Variants in UGT2A3 observed in about 807,000 individuals in gnomAD.
UGT2A3 encodes UDP glucuronosyltransferase family 2 member A3.
In UGT2A3, 55 loss-of-function variants were observed where a neutral mutation model predicts 44.1. The observed-to-expected ratio is 1.25, with a 90% confidence interval of 1.00 to 1.56. The LOEUF is 1.56. Among genes scored for constraint, UGT2A3 ranks in the 40% most tolerant of loss-of-function variants. UGT2A3 has a pLI of 0.00. For missense variants in UGT2A3, 733 were observed against 621.6 expected (o/e 1.18, Z -1.91); for synonymous variants, 243 against 215.1 (o/e 1.13, Z -1.13).
At chr4:68,950,994 T>A (rs995004284) in intron 1 of UGT2A3, 52 bp downstream of exon 1, 6 of 1,318,198 alleles carry the variant, frequency 4.6e-6, no homozygotes, top group East Asian at 5.1e-5. Context: ...TGACAATTTT[T>A]AAAAATATTT....
Position 68,929,885 on chromosome 4 carries a change from G to A in UGT2A3, c.1512C>T (p.Phe504=). ...FLLACVATAI[F]LFTKCFLFSC... ...AAAATAAAAAACATTTTGTGAACAA[G>A]AATATAGCAGTTGCCACACAGGCCA... is the stretch of plus-strand genomic sequence containing the variant. Residue 504 remains phenylalanine (F), a synonymous_variant, in exon 6 of 6, where the codon TTC becomes TTT. Transcript: ENST00000251566. 1 of 1,612,424 alleles carries A rather than the reference G, an allele frequency of 6.2e-7. No homozygotes were observed. Among genetic ancestry groups the A allele is most frequent in the Non-Finnish European group, 8.5e-7 (1 of 1,178,960 alleles).
chr4:68,940,405 G>A (rs1225237233), intron 2 of UGT2A3, among the ~76,000 whole-genome samples: 2 of 152,002 alleles, frequency 1.3e-5, no homozygotes, highest in African/African-American at 4.8e-5. Flanking sequence ...TGAGGGACAT[G>A]GATGAAGCTG....
chr4:68,951,020 T>C (rs1718563801), intron 1 of UGT2A3, 26 bp downstream of exon 1: 4 of 1,446,612 alleles, frequency 2.8e-6, no homozygotes, highest in Non-Finnish European at 3.7e-6. Context: ...GATAACTAAA[T>C]TAAAAATAAA....
At position 68,932,685 on chromosome 4, in the gene UGT2A3, A is replaced by G. The variant is rs750769964; in HGVS notation, c.939T>C (p.Asn313=). 7 of 1,612,196 alleles carry G rather than the reference A, an allele frequency of 4.3e-6. No homozygotes were observed. Among genetic ancestry groups the G allele is most frequent in the Non-Finnish European group, 5.9e-6 (7 of 1,178,914 alleles). ...VVFSLGSLFQ[N]VTEEKANIIA... is the part of the protein sequence containing the mutation. The stretch of plus-strand genomic sequence containing the variant: ...TGATATTAGCCTTTTCTTCTGTAAC[A>G]TTTTGAAACAGTGACCCCAGAGAAA... Residue 313 remains asparagine (N), a synonymous_variant, in exon 3 of 6, where the codon AAT becomes AAC. Transcript: ENST00000251566.
chr4:68,944,618 T>C (rs1718314388), intron 2 of UGT2A3, among the ~76,000 whole-genome samples: 1 of 151,838 alleles, frequency 6.6e-6, no homozygotes, highest in African/African-American at 2.4e-5. Context: ...CTATGAGCTC[T>C]ACTTTGTCCT....
intron 1 of UGT2A3, among the ~76,000 whole-genome samples, chr4:68,949,630 A>G (rs1175107885): frequency 6.6e-6 from 1 of 151,948 alleles, no homozygotes; most frequent in Non-Finnish European, 1.5e-5. Context: ...GGTTTTCAAA[A>G]ACCTTTAATT....
Position 68,929,839 on chromosome 4 carries a change from T to C in UGT2A3, c.1558A>G (p.Thr520Ala). The change falls in exon 6 of 6, where the codon ACT (threonine) becomes GCT (alanine). Residue 520 changes from threonine to alanine, a missense_variant. Physicochemically the swap from Thr to Ala is moderately conservative, Grantham distance 58. Coordinates refer to ENST00000251566, the MANE Select transcript of UGT2A3 (RefSeq NM_024743.4). Reference protein sequence around the residue: ...FLFSCQKFNKTRKIEKRE With the variant: ...FLFSCQKFNKARKIEKRE ...TATTCCCTCTTTTCTATCTTTCTAG[T>C]TTTATTAAATTTTTGACAGGAAAAT... 1 of 1,605,124 alleles carries C rather than the reference T, an allele frequency of 6.2e-7. No individual in the cohort carries two copies. The highest frequency in any genetic ancestry group is 8.5e-7 in the Non-Finnish European group (1 of 1,175,096).
At chr4:68,931,349 T>C (rs965035500) in intron 3 of UGT2A3, 107 bp from the exon 4 acceptor site, 3 of 857,392 alleles carry the variant, frequency 3.5e-6, no homozygotes, top group Admixed American at 4.9e-5. Context: ...CAGGTGATGG[T>C]TGAGACAGGG....
chr4:68,938,169 C>A (rs1050186438), intron 2 of UGT2A3, among the ~76,000 whole-genome samples: 23 of 151,980 alleles, frequency 1.5e-4, no homozygotes, highest in African/African-American at 5.3e-4. Flanking sequence ...CCATTCCAAT[C>A]AATAGAAAAA....
At chr4:68,946,692 A>G (rs1428482550) in intron 1 of UGT2A3, among the ~76,000 whole-genome samples, 1 of 151,650 alleles carries the variant, frequency 6.6e-6, no homozygotes, top group Non-Finnish European at 1.5e-5. Flanking sequence ...AGAAAATTAA[A>G]TTTGCTTTTT....
chr4:68,949,276 G>T (rs1443982920), intron 1 of UGT2A3, among the ~76,000 whole-genome samples: 1 of 151,774 alleles, frequency 6.6e-6, no homozygotes, highest in Non-Finnish European at 1.5e-5. Flanking sequence ...TGAGAGACCT[G>T]CTACTTTTCT....
At chr4:68,931,558 A>G (rs1717736740) in intron 3 of UGT2A3, among the ~76,000 whole-genome samples, 1 of 152,078 alleles carries the variant, frequency 6.6e-6, no homozygotes, top group Non-Finnish European at 1.5e-5. Flanking sequence ...TATAAGAATT[A>G]AAAATTTTAT....
intron 1 of UGT2A3, 92 bp downstream of exon 1, chr4:68,950,954 G>A (rs1230839213): frequency 2.3e-5 from 20 of 859,490 alleles, no homozygotes; most frequent in Non-Finnish European, 3.2e-5. Context: ...AAAACTCATT[G>A]ACCTGCATAT....
intron 2 of UGT2A3, among the ~76,000 whole-genome samples, chr4:68,940,189 C>A (rs987049024): frequency 1.2e-4 from 19 of 152,108 alleles, no homozygotes; most frequent in Non-Finnish European, 2.5e-4. Context: ...CCAGTTATCC[C>A]ATTACTGGGT....
Position 68,942,504 on chromosome 4 carries a change from GATATATAT to G in UGT2A3, c.864+2794_864+2801del, listed in dbSNP as rs34118122. 1.4e-4 allele frequency among the ~76,000 whole-genome samples: 18 copies of G among 131,024 alleles called. 1 individual carries two copies. The highest frequency in any genetic ancestry group is 1.2e-3 in the South Asian group (5 of 4,258). 86.0% of individuals were successfully genotyped at this position (131,024 alleles called of 152,430 possible). ...TATAGCTCAATAGCATTCCACTGGA[GATATATAT>G]ATATATATATATATATATATATATA... On this transcript the variant is annotated intron_variant, in intron 2 of 5. Transcript: ENST00000251566.
chr4:68,947,417 C>T (rs2109795554), intron 1 of UGT2A3, among the ~76,000 whole-genome samples: 1 of 151,812 alleles, frequency 6.6e-6, no homozygotes, highest in South Asian at 2.1e-4. Context: ...CCTTCAGGCC[C>T]ACTTATAATT....
chr4:68,929,910 A>G lies in UGT2A3; in HGVS notation c.1487T>C (p.Leu496Pro). Reference protein sequence around the residue: ...HYSIDVIGFLLACVATAIFLF... With the variant: ...HYSIDVIGFLPACVATAIFLF... ...GAATATAGCAGTTGCCACACAGGCC[A>G]GCAGGAACCCAATCACATCTATAGA... is the stretch of plus-strand genomic sequence containing the variant. The change falls in exon 6 of 6, where the codon CTG (leucine) becomes CCG (proline). Residue 496 changes from leucine to proline, a missense_variant. Physicochemically the swap from Leu to Pro is moderately conservative, Grantham distance 98. Transcript: ENST00000251566. 1 of 1,613,540 alleles carries G rather than the reference A, an allele frequency of 6.2e-7. No homozygotes were observed. Among genetic ancestry groups the G allele is most frequent in the Non-Finnish European group, 8.5e-7 (1 of 1,179,610 alleles).
In UGT2A3 at chr4:68,929,265, A is replaced by G. The variant is rs748563110; in HGVS notation, c.*548T>C. On this transcript the variant is annotated 3_prime_UTR_variant, in exon 6 of 6. Transcript: ENST00000251566. ...TAGATGAGGTCTATGGAAATACAGC[A>G]AACTTTTCTAAGCATAATGCCATGT... is the stretch of plus-strand genomic sequence containing the variant. 1 of 152,316 alleles carries G rather than the reference A, an allele frequency of 6.6e-6. No individual in the cohort carries two copies. Among genetic ancestry groups the G allele is most frequent in the Admixed American group, 6.5e-5 (1 of 15,288 alleles). The allele number at this position is 152,316 out of a possible 1,614,324, so 9.4% of individuals were successfully genotyped here. A position where few individuals can be genotyped will look rare whatever the true frequency, so the allele number is the denominator to read the frequency against.
Position 68,951,051 on chromosome 4 carries a change from G to A in UGT2A3, c.710C>T (p.Ala237Val), listed in dbSNP as rs1560464389. The change falls in exon 1 of 6, where the codon GCA becomes GTA. Residue 237 changes from alanine to valine, a missense_variant. Coordinates refer to ENST00000251566, the MANE Select transcript of UGT2A3 (RefSeq NM_024743.4). The part of the protein sequence containing the change: ...YHFWEEFYSK[A>V]LGRPTTLCET... ...ATAAAACAAAAGTGTCTTACCTAAT[G>A]CCTTACTATAAAACTCTTCCCAAAA... 1.3e-6 allele frequency: 2 copies of A among 1,558,792 alleles called. No homozygotes were observed. The highest frequency in any genetic ancestry group is 2.4e-5 in the South Asian group (2 of 81,734).
Sources: gnomAD v4.1 joint callset for allele counts (sites outside exome capture counted in the v4.1 genomes callset) on GRCh38, gnomAD v4.1.1 for gene constraint, MANE v1.5 for transcripts, NCBI Gene and HGNC (gene_info 2026-07-23, HGNC 2026-07-21) for gene names.